Variants in PIK3C2G observed in about 807,000 individuals in gnomAD.
PIK3C2G encodes the protein phosphatidylinositol-4-phosphate 3-kinase catalytic subunit type 2 gamma, also known as phosphatidylinositol 3-kinase C2 domain-containing subunit gamma.
PIK3C2G carries 168 observed loss-of-function variants against 181.1 expected under a neutral mutation model. The ratio of observed to expected loss-of-function variants is 0.93; its 90% confidence interval spans 0.82 to 1.05. PIK3C2G has a LOEUF of 1.05. Ranked by LOEUF, PIK3C2G falls within the 50% of genes least tolerant of loss-of-function variation. PIK3C2G has a pLI of 0.00. For missense variants in PIK3C2G, 1,869 were observed against 1,732.8 expected (o/e 1.08, Z -1.40); for synonymous variants, 573 against 592.2 (o/e 0.97, Z 0.47).
At chr12:18,669,665 C>CT in the PIK3C2G span, among the ~76,000 whole-genome samples, 231 of 148,644 alleles carry the variant, frequency 1.6e-3, 1 homozygote, top group Admixed American at 3.6e-3. Flanking sequence ...CTCTTCCTCT[C>CT]TTTTTTTTTT....
intron 26 of PIK3C2G, among the ~76,000 whole-genome samples, chr12:18,558,938 T>C (rs1362026545): frequency 6.6e-6 from 1 of 152,222 alleles, no homozygotes; most frequent in Admixed American, 6.5e-5. Context: ...ATCTCTTCTG[T>C]TCATTGCTAA....
chr12:18,444,376 C>G (rs1946912867), intron 18 of PIK3C2G, among the ~76,000 whole-genome samples: 1 of 152,116 alleles, frequency 6.6e-6, no homozygotes, highest in African/African-American at 2.4e-5. Context: ...TTTAGTCTTA[C>G]ATGTATGTCT....
At chr12:18,377,691 G>A (rs574759323) in intron 13 of PIK3C2G, among the ~76,000 whole-genome samples, 1 of 152,286 alleles carries the variant, frequency 6.6e-6, no homozygotes, top group South Asian at 2.1e-4. Flanking sequence ...TTATATGAAA[G>A]TCTTTTTTTG....
At chr12:18,518,641 C>A (rs1942712936) in intron 24 of PIK3C2G, among the ~76,000 whole-genome samples, 1 of 151,870 alleles carries the variant, frequency 6.6e-6, no homozygotes, top group South Asian at 2.1e-4. Flanking sequence ...CTTTATTATT[C>A]TAGATAGCTA....
chr12:18,700,571 A>T, the PIK3C2G span, among the ~76,000 whole-genome samples: 2 of 147,550 alleles, frequency 1.4e-5, no homozygotes, highest in African/African-American at 4.9e-5. Context: ...ATTCCACTGG[A>T]TTTGAAGCTG....
In PIK3C2G at chr12:18,612,754, G is replaced by C. The variant is rs192309758; in HGVS notation, c.4182+3125G>C. 3.3e-5 allele frequency among the ~76,000 whole-genome samples: 5 copies of C among 152,010 alleles called. 1 individual carries two copies. The highest frequency in any genetic ancestry group is 7.4e-5 in the Non-Finnish European group (5 of 67,986). ...AAATAATTAGACTAACATTGTGCTG[G>C]ATTTTACATTAATATTAAAATGAAT... On this transcript the variant is annotated intron_variant, in intron 31 of 32. Coordinates refer to ENST00000538779, the MANE Select transcript of PIK3C2G (RefSeq NM_001288772.2).
At chr12:18,592,682 G>A (rs1227449591) in intron 29 of PIK3C2G, among the ~76,000 whole-genome samples, 2 of 151,928 alleles carry the variant, frequency 1.3e-5, no homozygotes, top group Non-Finnish European at 2.9e-5. Flanking sequence ...GACAAAATTC[G>A]ATTTATGTGT....
intron 25 of PIK3C2G, among the ~76,000 whole-genome samples, chr12:18,540,244 G>A (rs917519996): frequency 6.6e-6 from 1 of 151,874 alleles, no homozygotes; most frequent in Middle Eastern, 3.4e-3. Context: ...ATAAAAGACC[G>A]AGGTATCCAG....
intron 18 of PIK3C2G, among the ~76,000 whole-genome samples, chr12:18,478,356 A>C (rs912184470): frequency 5.9e-5 from 9 of 152,176 alleles, no homozygotes; most frequent in Non-Finnish European, 1.3e-4. Context: ...GGCCCAGTTA[A>C]AATGGGTAGT....
chr12:18,417,537 C>T (rs1592207793), intron 16 of PIK3C2G, among the ~76,000 whole-genome samples: 5 of 152,156 alleles, frequency 3.3e-5, no homozygotes, highest in Admixed American at 3.3e-4. Flanking sequence ...TCAGCAACCA[C>T]CATCCTGATC....
chr12:18,260,624 C>A (rs1319401453), upstream of PIK3C2G, among the ~76,000 whole-genome samples: 2 of 151,988 alleles, frequency 1.3e-5, no homozygotes, highest in African/African-American at 4.8e-5. Context: ...CTTCTCTACC[C>A]TTCCATGTAA....
At chr12:18,657,997 C>T in the PIK3C2G span, among the ~76,000 whole-genome samples, 1 of 151,838 alleles carries the variant, frequency 6.6e-6, no homozygotes, top group African/African-American at 2.4e-5. Context: ...AATAAAGAGA[C>T]ATATTATGAA....
chr12:18,603,597 A>C (rs1005574397), intron 30 of PIK3C2G, among the ~76,000 whole-genome samples: 7 of 152,184 alleles, frequency 4.6e-5, no homozygotes, highest in Admixed American at 4.6e-4. Flanking sequence ...AGACAAGGGA[A>C]AGAATCTTAA....
At chr12:18,344,188 CA>C (rs1939423749) in intron 10 of PIK3C2G, among the ~76,000 whole-genome samples, 1 of 152,100 alleles carries the variant, frequency 6.6e-6, no homozygotes, top group Admixed American at 6.6e-5. Flanking sequence ...GCCTGCCCCT[CA>C]GATGTTCAAC....
chr12:18,303,115 C>CTTCTTTCT (rs71061296), intron 5 of PIK3C2G, among the ~76,000 whole-genome samples: 5,721 of 136,668 alleles, frequency 0.042, 228 homozygotes, highest in East Asian at 0.16. Flanking sequence ...TCTTTCTTTC[C>CTTCTTTCT]TTCTTTCTTT....
Position 18,594,588 on chromosome 12 carries a change from A to G in PIK3C2G, c.4087+19A>G, listed in dbSNP as rs748764643. The G allele has an allele frequency of 8.5e-6, 11 of 1,300,510 alleles. No individual in the cohort carries two copies. Among genetic ancestry groups the G allele is most frequent in the Non-Finnish European group, 2.1e-6 (2 of 945,016 alleles). The allele number at this position is 1,300,510 out of a possible 1,614,324, so 80.6% of individuals were successfully genotyped here. A position where few individuals can be genotyped will look rare whatever the true frequency, so the allele number is the denominator to read the frequency against. On this transcript the variant is annotated intron_variant, in intron 30 of 32. Coordinates refer to ENST00000538779, the MANE Select transcript of PIK3C2G (RefSeq NM_001288772.2). ...TACCTAGGTAAGTAAATTTGTCATT[A>G]TATTACGTACAGTGATTTTCAAAAT... is the stretch of plus-strand genomic sequence containing the variant.
chr12:18,377,640 A>T (rs934235021), intron 13 of PIK3C2G, among the ~76,000 whole-genome samples: 2 of 152,192 alleles, frequency 1.3e-5, no homozygotes, highest in African/African-American at 4.8e-5. Context: ...TAATAAAGGC[A>T]GGCTCCAGAT....
At chr12:18,354,837 A>G (rs1940576138) in intron 11 of PIK3C2G, among the ~76,000 whole-genome samples, 1 of 152,194 alleles carries the variant, frequency 6.6e-6, no homozygotes, top group Non-Finnish European at 1.5e-5. Flanking sequence ...TCCTTCTTTC[A>G]GCAAAAACTC....
rs138257157 is a variant in PIK3C2G, at chr12:18,288,035, G to A, written c.761+1106G>A. Among the ~76,000 whole-genome samples, 409 of 151,610 alleles carry A rather than the reference G, an allele frequency of 2.7e-3. 4 individuals carry two copies. The highest frequency in any genetic ancestry group is 9.3e-3 in the African/African-American group (385 of 41,320). On this transcript the variant is annotated intron_variant, in intron 3 of 32. Transcript: ENST00000538779. ...AAATTAGCCAGGTATGTTGGCAGGC[G>A]CCTGTAATCCCAGCTACTCGGGAGG...
Sources: gnomAD v4.1 joint callset for allele counts (sites outside exome capture counted in the v4.1 genomes callset) on GRCh38, gnomAD v4.1.1 for gene constraint, MANE v1.5 for transcripts, NCBI Gene and HGNC (gene_info 2026-07-23, HGNC 2026-07-21) for gene names.